KDM4C: variants seen among roughly 807,000 people sequenced by gnomAD.
The protein encoded by KDM4C is lysine demethylase 4C.
KDM4C carries 81 observed loss-of-function variants against 129.3 expected under a neutral mutation model. That is an observed-to-expected ratio of 0.63 (90% CI 0.52 to 0.75). KDM4C has a LOEUF of 0.75. Ranked by LOEUF, KDM4C falls within the 30% of genes least tolerant of loss-of-function variation. KDM4C has a pLI of 0.00. For missense variants in KDM4C, 1,457 were observed against 1,304.0 expected, an observed-to-expected ratio of 1.12 and a Z score of -1.81; for synonymous variants, 573 against 456.1, an observed-to-expected ratio of 1.26 and a Z score of -3.26.
At chr9:6,857,864 C>T (rs1428038032) in intron 5 of KDM4C, among the ~76,000 whole-genome samples, 2 of 151,448 alleles carry the variant, frequency 1.3e-5, no homozygotes, top group Non-Finnish European at 2.9e-5. Flanking sequence ...AAGCGATCCT[C>T]CCACCTCAGC....
At chr9:6,898,569 A>G (rs1816838570) in intron 8 of KDM4C, among the ~76,000 whole-genome samples, 1 of 152,214 alleles carries the variant, frequency 6.6e-6, no homozygotes, top group African/African-American at 2.4e-5. Flanking sequence ...CAGGAGTACT[A>G]CCTTACTATC....
intron 8 of KDM4C, among the ~76,000 whole-genome samples, chr9:6,979,229 C>T (rs780322915): frequency 4.6e-5 from 7 of 152,096 alleles, no homozygotes; most frequent in Non-Finnish European, 8.8e-5. Context: ...TTTCTTTATT[C>T]CAATGGCAAG....
At chr9:6,858,282 A>C (rs7038606) in intron 5 of KDM4C, among the ~76,000 whole-genome samples, 147,495 of 152,152 alleles carry the variant, frequency 0.97, 71,663 homozygotes, top group Non-Finnish European at 1. Context: ...CTGCTCAGTA[A>C]GGGCGTGTAA....
intron 17 of KDM4C, among the ~76,000 whole-genome samples, chr9:7,086,380 A>T (rs1835118436): frequency 6.6e-6 from 1 of 152,240 alleles, no homozygotes; most frequent in African/African-American, 2.4e-5. Context: ...TCTGTTGAGT[A>T]AATATGCCGT....
intron 8 of KDM4C, chr9:6,924,831 A>G (rs1822184206): frequency 3.1e-6 from 3 of 982,384 alleles, no homozygotes; most frequent in Non-Finnish European, 3.6e-6. Flanking sequence ...TGCTATTAAC[A>G]TGAAAATAAG....
chr9:6,747,448 T>C (rs1218428573), intron 1 of KDM4C, among the ~76,000 whole-genome samples: 1 of 143,142 alleles, frequency 7.0e-6, no homozygotes, highest in East Asian at 2.0e-4. Flanking sequence ...CTCCGGAGGC[T>C]GAGGCAGGAG....
chr9:7,116,168 ACTTT>A lies in KDM4C; in HGVS notation c.2611-11894_2611-11891del, dbSNP rs576733163. On this transcript the variant is annotated intron_variant, in intron 18 of 21. Coordinates refer to ENST00000381309, the MANE Select transcript of KDM4C (RefSeq NM_015061.6). Reference sequence around the variant, plus strand: ...GGAGCAGGAGACATGGAGAAGTGAAACTTTCTTCTTTGCAAGCATCAGATACCTT... The same window carrying A: ...GGAGCAGGAGACATGGAGAAGTGAAACTTCTTTGCAAGCATCAGATACCTT... 1.5e-4 allele frequency among the ~76,000 whole-genome samples: 23 copies of A among 152,152 alleles called. 1 individual carries two copies. The South Asian group carries it at 4.2e-3, about 27-fold the overall frequency.
chr9:7,019,789 T>TAA (rs1277016623), intron 15 of KDM4C, among the ~76,000 whole-genome samples: 4 of 144,402 alleles, frequency 2.8e-5, no homozygotes, highest in African/African-American at 2.5e-5. Flanking sequence ...TATAAAAATA[T>TAA]TTTAGAAGCA....
In KDM4C at chr9:6,800,315, C is replaced by T. The variant is rs138770787; in HGVS notation, c.145-5284C>T. ...CTGAGAGGCTGAGGTTGCAGTGAGC[C>T]GAGATTGCTCCACTGCACTCTAGCC... On this transcript the variant is annotated intron_variant, in intron 2 of 21. Coordinates refer to ENST00000381309, the MANE Select transcript of KDM4C (RefSeq NM_015061.6). Among the ~76,000 whole-genome samples the T allele has an allele frequency of 5.4e-3, 828 of 152,098 alleles. 4 individuals are homozygous for T. The highest frequency in any genetic ancestry group is 9.6e-3 in the Non-Finnish European group (652 of 67,986).
intron 3 of KDM4C, among the ~76,000 whole-genome samples, chr9:6,812,256 C>A (rs1008678459): frequency 1.3e-4 from 19 of 151,374 alleles, no homozygotes; most frequent in African/African-American, 3.9e-4. Flanking sequence ...AAAGTTGTTA[C>A]TGATTGAGTA....
intron 1 of KDM4C, among the ~76,000 whole-genome samples, chr9:6,747,539 C>CAAA (rs35996555): frequency 0.11 from 10,648 of 97,666 alleles, 972 homozygotes; most frequent in South Asian, 0.25. Context: ...CAGGGCGATT[C>CAAA]AAAAAAAAAA....
chr9:6,871,087 C>CA, intron 5 of KDM4C, among the ~76,000 whole-genome samples: 1 of 152,048 alleles, frequency 6.6e-6, no homozygotes, highest in African/African-American at 2.4e-5. Flanking sequence ...CCAGGGCTCC[C>CA]AAAAAACAAT....
chr9:6,747,002 T>TTAAAAAAA (rs1406322469), intron 1 of KDM4C, among the ~76,000 whole-genome samples: 1 of 30,104 alleles, frequency 3.3e-5, no homozygotes, highest in Non-Finnish European at 5.8e-5. Flanking sequence ...AGACTCCGTC[T>TTAAAAAAA]CAAAAAAAAA....
At chr9:6,731,798 T>A (rs866900813) in intron 1 of KDM4C, among the ~76,000 whole-genome samples, 6 of 152,302 alleles carry the variant, frequency 3.9e-5, no homozygotes, top group Admixed American at 1.3e-4. Context: ...CCATTTTCCG[T>A]TACCACCATT....
At chr9:6,968,449 T>G (rs1174703845) in intron 8 of KDM4C, among the ~76,000 whole-genome samples, 2 of 152,244 alleles carry the variant, frequency 1.3e-5, no homozygotes, top group African/African-American at 4.8e-5. Context: ...TTGTAGGAAC[T>G]TTGTGTTCTG....
chr9:6,740,200 T>C (rs947948947), intron 1 of KDM4C, among the ~76,000 whole-genome samples: 44 of 150,536 alleles, frequency 2.9e-4, no homozygotes, highest in African/African-American at 1.1e-3. Context: ...TAATTTTTTG[T>C]TTTGTTTTGT....
intron 8 of KDM4C, among the ~76,000 whole-genome samples, chr9:6,946,116 C>G (rs1826915583): frequency 6.6e-6 from 1 of 151,994 alleles, no homozygotes; most frequent in Non-Finnish European, 1.5e-5. Flanking sequence ...CTTGTGTAAT[C>G]AAGGGGGTTA....
chr9:6,994,234 T>C (rs551358027), intron 12 of KDM4C, among the ~76,000 whole-genome samples: 4 of 152,088 alleles, frequency 2.6e-5, no homozygotes, highest in Non-Finnish European at 5.9e-5. Context: ...GTGTGGCCTG[T>C]TTACTAACAG....
chr9:7,112,234 A>G (rs987539195), intron 18 of KDM4C, among the ~76,000 whole-genome samples: 1 of 152,144 alleles, frequency 6.6e-6, no homozygotes, highest in African/African-American at 2.4e-5. Context: ...CTCCTTTGCC[A>G]CTGCTTCAGG....
Sources: allele counts gnomAD v4.1 joint callset (sites outside exome capture counted in the v4.1 genomes callset), GRCh38; gene constraint gnomAD v4.1.1; transcripts MANE v1.5; gene names NCBI Gene and HGNC (gene_info 2026-07-23, HGNC 2026-07-21).